PTGER3: variants seen among roughly 807,000 people sequenced by gnomAD.
The protein encoded by PTGER3 is prostaglandin E receptor 3.
In PTGER3, 22 loss-of-function variants were observed where a neutral mutation model predicts 34.7. That is an observed-to-expected ratio of 0.63 (90% CI 0.45 to 0.91). The LOEUF (loss-of-function observed/expected upper bound fraction) is 0.91, where lower values mean the gene tolerates loss of function less well. Ranked by LOEUF, PTGER3 falls within the 40% of genes least tolerant of loss-of-function variation. PTGER3 has a pLI of 0.00. For missense variants in PTGER3, 468 were observed against 519.4 expected (o/e 0.90, Z 0.96); for synonymous variants, 241 against 230.1 (o/e 1.05, Z -0.43).
chr1:70,935,672 A>ATATATATATATATAT (rs59431299), intron 4 of PTGER3, among the ~76,000 whole-genome samples: 143 of 140,208 alleles, frequency 1.0e-3, no homozygotes, highest in Middle Eastern at 3.8e-3. Flanking sequence ...TACAAATATA[A>ATATATATATATATAT]ATATATATAT....
intron 2 of PTGER3, chr1:71,008,682 C>G: frequency 1.0e-6 from 1 of 981,842 alleles, no homozygotes; most frequent in Non-Finnish European, 1.2e-6. Context: ...GACTAGGCCA[C>G]AGTTGCACAA....
At chr1:71,009,549 C>T in intron 2 of PTGER3, 1 of 984,928 alleles carries the variant, frequency 1.0e-6, no homozygotes, top group Non-Finnish European at 1.2e-6. Context: ...AACATGTGAT[C>T]ATTCTTCTCT....
exon 5 of PTGER3, chr1:70,852,595 A>G (rs1468110747): frequency 8.9e-6 from 5 of 560,372 alleles, no homozygotes; most frequent in Non-Finnish European, 1.6e-5. Flanking sequence ...GTATACGCAA[A>G]TATAAATTCA....
chr1:70,981,612 T>C (rs1654377403), intron 2 of PTGER3, among the ~76,000 whole-genome samples: 1 of 151,912 alleles, frequency 6.6e-6, no homozygotes, highest in African/African-American at 2.4e-5. Flanking sequence ...TCTCACTATG[T>C]TGTTTAGGCT....
intron 2 of PTGER3, chr1:71,010,557 C>T (rs893295649): frequency 5.1e-6 from 5 of 984,554 alleles, no homozygotes; most frequent in South Asian, 4.7e-5. Context: ...CTTAGGGTCA[C>T]AGGACCAACC....
intron 1 of PTGER3, among the ~76,000 whole-genome samples, chr1:71,017,807 C>A (rs1356713209): frequency 2.0e-5 from 3 of 152,186 alleles, no homozygotes; most frequent in Admixed American, 6.5e-5. Context: ...CTCTGTTCCC[C>A]AGGCTGGAAT....
At chr1:70,898,280 G>A (rs893968188) in intron 4 of PTGER3, among the ~76,000 whole-genome samples, 2 of 152,058 alleles carry the variant, frequency 1.3e-5, no homozygotes, top group Admixed American at 6.6e-5. Context: ...TGGTCTTCCT[G>A]TTTTTCTCCT....
intron 2 of PTGER3, among the ~76,000 whole-genome samples, chr1:70,985,679 A>G (rs1008523222): frequency 6.6e-6 from 1 of 152,118 alleles, no homozygotes; most frequent in African/African-American, 2.4e-5. Flanking sequence ...CAATAAATAC[A>G]AAGGGCTGCC....
At chr1:71,006,063 T>G in intron 2 of PTGER3, 1 of 703,448 alleles carries the variant, frequency 1.4e-6, no homozygotes, top group Non-Finnish European at 1.7e-6. Context: ...TATATTAGCA[T>G]TAACTGTAGT....
At chr1:70,961,345 C>T (rs183949137) in intron 2 of PTGER3, among the ~76,000 whole-genome samples, 1 of 152,276 alleles carries the variant, frequency 6.6e-6, no homozygotes, top group African/African-American at 2.4e-5. Flanking sequence ...GTGAATTTTG[C>T]AATATGGCAG....
At chr1:70,867,597 C>T (rs1051135479) in intron 4 of PTGER3, among the ~76,000 whole-genome samples, 9 of 151,942 alleles carry the variant, frequency 5.9e-5, no homozygotes, top group East Asian at 1.9e-4. Flanking sequence ...TGGTGGCAGG[C>T]GCCTGTAGTC....
intron 4 of PTGER3, among the ~76,000 whole-genome samples, chr1:70,905,723 A>G (rs962374594): frequency 2.0e-5 from 3 of 152,100 alleles, no homozygotes; most frequent in Non-Finnish European, 4.4e-5. Flanking sequence ...ACAGCCTCAT[A>G]GGATCATTAT....
intron 4 of PTGER3, among the ~76,000 whole-genome samples, chr1:70,919,790 G>A (rs1647350549): frequency 6.6e-6 from 1 of 152,136 alleles, no homozygotes; most frequent in Non-Finnish European, 1.5e-5. Flanking sequence ...TAGTAGAGAG[G>A]AAAATCATTA....
chr1:70,878,753 T>C (rs1413672367), intron 4 of PTGER3, among the ~76,000 whole-genome samples: 1 of 152,210 alleles, frequency 6.6e-6, no homozygotes, highest in African/African-American at 2.4e-5. Context: ...AAGCAGGTTG[T>C]TTAATTTCCA....
chr1:70,869,050 T>C (rs1646105771), intron 4 of PTGER3, among the ~76,000 whole-genome samples: 2 of 152,156 alleles, frequency 1.3e-5, no homozygotes, highest in East Asian at 3.9e-4. Flanking sequence ...TTTTTTTAAA[T>C]AAATGAGCCA....
At chr1:70,938,154 A>C (rs564945721) in intron 4 of PTGER3, among the ~76,000 whole-genome samples, 2 of 152,272 alleles carry the variant, frequency 1.3e-5, no homozygotes, top group African/African-American at 4.8e-5. Flanking sequence ...CTTATTTTAA[A>C]AGCTTCATGC....
At chr1:70,929,727 C>A (rs1648511441) in intron 4 of PTGER3, among the ~76,000 whole-genome samples, 1 of 152,154 alleles carries the variant, frequency 6.6e-6, no homozygotes, top group Non-Finnish European at 1.5e-5. Flanking sequence ...TTTTAACTTG[C>A]AAATTTATCT....
intron 2 of PTGER3, 72 bp from the exon 3 acceptor site, chr1:70,974,460 C>A: frequency 2.7e-6 from 2 of 746,136 alleles, no homozygotes; most frequent in East Asian, 2.5e-5. Context: ...CCAAAACCTG[C>A]ATATCAAAGT....
intron 2 of PTGER3, chr1:71,007,206 C>T (rs1437474035): frequency 2.0e-6 from 2 of 985,590 alleles, no homozygotes; most frequent in African/African-American, 3.5e-5. Context: ...CCAATGATTT[C>T]AGCTCCTCCT....
Sources: allele counts gnomAD v4.1 joint callset (sites outside exome capture counted in the v4.1 genomes callset), GRCh38; gene constraint gnomAD v4.1.1; transcripts MANE v1.5; gene names NCBI Gene and HGNC (gene_info 2026-07-23, HGNC 2026-07-21).